The following CSRNP3 variants were observed in gnomAD, a reference collection of about 807,000 sequenced individuals.
The protein encoded by CSRNP3 is cysteine/serine-rich nuclear protein 3.
CSRNP3 carries 12 observed loss-of-function variants against 48.0 expected under a neutral mutation model. The observed-to-expected ratio is 0.25, with a 90% confidence interval of 0.16 to 0.41. The LOEUF is 0.41. Among genes scored for constraint, CSRNP3 ranks in the 10% least tolerant of loss-of-function variants. The pLI is 1.00. For synonymous variants in CSRNP3, 263 were observed against 269.7 expected (o/e 0.98, Z 0.24); for missense variants, 580 against 724.4 (o/e 0.80, Z 2.29).
chr2:165,659,211 G>C (rs1305134327), intron 5 of CSRNP3, among the ~76,000 whole-genome samples: 1 of 151,598 alleles, frequency 6.6e-6, no homozygotes, highest in Non-Finnish European at 1.5e-5. Flanking sequence ...CAGTTAGAAA[G>C]CTGTTACCAC....
At chr2:165,645,801 A>C (rs1265287826) in intron 4 of CSRNP3, among the ~76,000 whole-genome samples, 3 of 152,156 alleles carry the variant, frequency 2.0e-5, no homozygotes, top group Admixed American at 2.0e-4. Flanking sequence ...GCTGGAGTGC[A>C]ATGGCAAGAT....
chr2:165,683,620 A>G lies in CSRNP3; in HGVS notation c.*3867A>G, dbSNP rs1687581816. 6.6e-6 allele frequency: 1 copy of G among 152,016 alleles called. No individual in the cohort carries two copies. Among genetic ancestry groups the G allele is most frequent in the South Asian group, 2.1e-4 (1 of 4,824 alleles). 9.4% of individuals were successfully genotyped at this position (152,016 alleles called of 1,614,324 possible). On this transcript the variant is annotated 3_prime_UTR_variant, in exon 7 of 7. Transcript: ENST00000651982. ...ATGACTCTTTGGTCTTTATATTCAA[A>G]ATTTATTAAGTATCAATTCTTTCTT...
chr2:165,674,073 A>G (rs1394992491), intron 5 of CSRNP3, among the ~76,000 whole-genome samples: 1 of 152,114 alleles, frequency 6.6e-6, no homozygotes, highest in Admixed American at 6.5e-5. Context: ...CTCTGTTGAT[A>G]TAAAATGGAG....
chr2:165,521,172 C>CTAAAAAAA (rs1684656481), intron 3 of CSRNP3, among the ~76,000 whole-genome samples: 1 of 104,782 alleles, frequency 9.5e-6, no homozygotes, highest in African/African-American at 3.6e-5. Flanking sequence ...TATGGGAAAG[C>CTAAAAAAA]CAAAAAAAAA....
chr2:165,488,918 C>A (rs1203249540), intron 1 of CSRNP3, among the ~76,000 whole-genome samples: 1 of 61,172 alleles, frequency 1.6e-5, no homozygotes, highest in Admixed American at 1.9e-4. Context: ...CATTCAAAAG[C>A]TAGCAGAAGG....
intron 4 of CSRNP3, among the ~76,000 whole-genome samples, chr2:165,620,933 G>A (rs1446970284): frequency 6.6e-6 from 1 of 151,462 alleles, no homozygotes; most frequent in Non-Finnish European, 1.5e-5. Flanking sequence ...TATTATCATT[G>A]TGTTTTATCC....
intron 3 of CSRNP3, among the ~76,000 whole-genome samples, chr2:165,579,247 G>A (rs752599314): frequency 1.3e-5 from 2 of 152,120 alleles, no homozygotes; most frequent in Non-Finnish European, 1.5e-5. Flanking sequence ...GCAGTTAATG[G>A]TTAGAATTTG....
Position 165,684,991 on chromosome 2 carries a change from A to T in CSRNP3, c.*5238A>T, listed in dbSNP as rs189682432. On this transcript the variant is annotated 3_prime_UTR_variant, in exon 7 of 7. Coordinates refer to ENST00000651982, the MANE Select transcript of CSRNP3 (RefSeq NM_001172173.2). ...CTCACATCTGCTGACCAACATTCAT[A>T]TCAATTACATTTTTACAGTCTGTAA... The T allele has an allele frequency of 1.3e-5, 2 of 152,100 alleles. No homozygotes were observed. Among genetic ancestry groups the T allele is most frequent in the African/African-American group, 4.8e-5 (2 of 41,442 alleles). 9.4% of individuals were successfully genotyped at this position (152,100 alleles called of 1,614,324 possible). A position where few individuals can be genotyped will look rare whatever the true frequency, so the allele number is the denominator to read the frequency against.
chr2:165,509,270 C>T (rs1194551258), intron 2 of CSRNP3, among the ~76,000 whole-genome samples: 1 of 152,146 alleles, frequency 6.6e-6, no homozygotes, highest in Non-Finnish European at 1.5e-5. Context: ...TATAAGGCCA[C>T]TCCAAAGAGA....
In CSRNP3 at chr2:165,679,409, A is replaced by G. The variant is rs1484315598; in HGVS notation, c.1414A>G (p.Met472Val). The G allele has an allele frequency of 6.2e-7, 1 of 1,613,114 alleles. No homozygotes were observed. The highest frequency in any genetic ancestry group is 8.5e-7 in the Non-Finnish European group (1 of 1,179,586). The change falls in exon 7 of 7, where the codon ATG (methionine) becomes GTG (valine). Residue 472 changes from methionine to valine, a missense_variant. Met to Val is a conservative substitution (Grantham distance 21, BLOSUM62 1). Coordinates refer to ENST00000651982, the MANE Select transcript of CSRNP3 (RefSeq NM_001172173.2). Reference protein sequence around the residue: ...NGTLSLVPYTMTPEQFVDYAR... With the variant: ...NGTLSLVPYTVTPEQFVDYAR... ...TACCCTTTCGCTGGTGCCTTACACC[A>G]TGACCCCGGAGCAATTCGTTGACTA...
At chr2:165,654,546 T>C (rs900805654) in intron 4 of CSRNP3, among the ~76,000 whole-genome samples, 1 of 152,182 alleles carries the variant, frequency 6.6e-6, no homozygotes, top group African/African-American at 2.4e-5. Flanking sequence ...TCTGAGTCTC[T>C]TCATTGTGTC....
At chr2:165,661,323 C>G (rs577657492) in intron 5 of CSRNP3, among the ~76,000 whole-genome samples, 193 of 152,084 alleles carry the variant, frequency 1.3e-3, no homozygotes, top group Non-Finnish European at 1.9e-3. Flanking sequence ...TTTAATACAC[C>G]TAACGTACTG....
intron 4 of CSRNP3, among the ~76,000 whole-genome samples, chr2:165,637,201 G>A (rs1387184644): frequency 6.6e-6 from 1 of 152,186 alleles, no homozygotes; most frequent in Admixed American, 6.5e-5. Context: ...TCAATGTCCT[G>A]AACAGAAGGA....
At chr2:165,544,094 G>C (rs1236644075) in intron 3 of CSRNP3, among the ~76,000 whole-genome samples, 1 of 151,790 alleles carries the variant, frequency 6.6e-6, no homozygotes, top group Non-Finnish European at 1.5e-5. Context: ...AAGTGATATG[G>C]AATAAAATAA....
chr2:165,643,071 A>T (rs1028627271), intron 4 of CSRNP3, among the ~76,000 whole-genome samples: 2 of 152,178 alleles, frequency 1.3e-5, no homozygotes, highest in African/African-American at 4.8e-5. Flanking sequence ...CTGCTAGATG[A>T]TGCACTATGA....
chr2:165,604,246 C>T (rs1050082443), intron 4 of CSRNP3, among the ~76,000 whole-genome samples: 1 of 152,154 alleles, frequency 6.6e-6, no homozygotes, highest in Non-Finnish European at 1.5e-5. Flanking sequence ...ATTATTTATG[C>T]ACACATCTTA....
chr2:165,527,730 G>A (rs1302589486), intron 3 of CSRNP3, among the ~76,000 whole-genome samples: 1 of 151,896 alleles, frequency 6.6e-6, no homozygotes, highest in Non-Finnish European at 1.5e-5. Flanking sequence ...ATGAAGGGAT[G>A]GACAATCATA....
At chr2:165,530,024 A>T (rs1684790575) in intron 3 of CSRNP3, among the ~76,000 whole-genome samples, 1 of 152,236 alleles carries the variant, frequency 6.6e-6, no homozygotes. Context: ...TGAGGAATGC[A>T]GTTTTAACAG....
At chr2:165,676,069 C>T (rs555517962) in intron 5 of CSRNP3, among the ~76,000 whole-genome samples, 1 of 152,286 alleles carries the variant, frequency 6.6e-6, no homozygotes, top group Non-Finnish European at 1.5e-5. Flanking sequence ...TAGCTCCTAA[C>T]ATTAGGAGTT....
Sources: gnomAD v4.1 joint callset for allele counts (sites outside exome capture counted in the v4.1 genomes callset) on GRCh38, gnomAD v4.1.1 for gene constraint, MANE v1.5 for transcripts, NCBI Gene and HGNC (gene_info 2026-07-23, HGNC 2026-07-21) for gene names.